MAPK4: variants seen among roughly 807,000 people sequenced by gnomAD.
MAPK4 encodes the protein mitogen-activated protein kinase 4.
A neutral mutation model predicts 47.7 loss-of-function variants in MAPK4; 22 were observed. That is an observed-to-expected ratio of 0.46 (90% CI 0.33 to 0.66). MAPK4 has a LOEUF of 0.66. Ranked by LOEUF, MAPK4 falls within the 30% of genes least tolerant of loss-of-function variation. The pLI, the probability that MAPK4 is intolerant of heterozygous loss-of-function variation, is 0.02. For synonymous variants in MAPK4, 390 were observed against 365.7 expected (o/e 1.07, Z -0.76); for missense variants, 736 against 831.7 (o/e 0.88, Z 1.42).
At position 50,664,386 on chromosome 18, in the gene MAPK4, C is replaced by A. The variant is rs1907479798; in HGVS notation, c.428C>A (p.Ala143Asp). The A allele has an allele frequency of 4.3e-6, 7 of 1,613,946 alleles. No homozygotes were observed. Among genetic ancestry groups the A allele is most frequent in the Non-Finnish European group, 5.9e-6 (7 of 1,180,036 alleles). Residue 143 changes from alanine to aspartate, a missense_variant, in exon 2 of 6, where the codon GCC becomes GAC. Physicochemically the swap from Ala to Asp is moderately radical, Grantham distance 126. Transcript: ENST00000400384. This position sits in a 1 kb window ranked among gnomAD's most constrained non-coding sequence, Gnocchi z 6.0. Reference sequence around the variant, plus strand: ...CGCGGGCTCAAGTACATCCACTCCGCCAACGTGCTGCACAGGGACCTGAAG... The same window carrying A: ...CGCGGGCTCAAGTACATCCACTCCGACAACGTGCTGCACAGGGACCTGAAG... The part of the protein sequence containing the change: ...LLRGLKYIHS[A>D]NVLHRDLKPA...
At chr18:50,651,554 C>A (rs1359310687) in intron 1 of MAPK4, among the ~76,000 whole-genome samples, 1 of 152,216 alleles carries the variant, frequency 6.6e-6, no homozygotes, top group African/African-American at 2.4e-5. Flanking sequence ...CACTCATGTC[C>A]CTACCATGTG....
Position 50,707,656 on chromosome 18 carries a change from C to T in MAPK4, c.547-7423C>T, listed in dbSNP as rs143657679. Among the ~76,000 whole-genome samples the T allele has an allele frequency of 3.2e-3, 478 of 151,636 alleles. 7 individuals are homozygous for T. Among genetic ancestry groups the T allele is most frequent in the East Asian group, 6.2e-3 (32 of 5,178 alleles). On this transcript the variant is annotated intron_variant, in intron 2 of 5. Transcript: ENST00000400384. ...GTGAATATACTTAATGCCACTGAAC[C>T]GTATGCTTAACAGTTAAAATGGTGA...
At chr18:50,715,037 C>A (rs569438399) in intron 2 of MAPK4, 42 bp from the exon 3 acceptor site, 27 of 1,602,462 alleles carry the variant, frequency 1.7e-5, no homozygotes, top group Middle Eastern at 1.7e-4. Flanking sequence ...GAAGGGTATC[C>A]AAAAATGACT....
At position 50,726,997 on chromosome 18, in the gene MAPK4, G is replaced by A. The variant is rs141060131; in HGVS notation, c.1067+822G>A. Among the ~76,000 whole-genome samples, 268 of 152,304 alleles carry A rather than the reference G, an allele frequency of 1.8e-3. 2 individuals carry two copies. The highest frequency in any genetic ancestry group is 6.2e-3 in the African/African-American group (256 of 41,554). On this transcript the variant is annotated intron_variant, in intron 5 of 5. Transcript: ENST00000400384. ...TCTGCAATCTGCATCCATGTCAGAC[G>A]CTGCTAAGCAATTATAGGACCATTT...
chr18:50,651,652 C>T (rs1006333374), intron 1 of MAPK4, among the ~76,000 whole-genome samples: 18 of 152,272 alleles, frequency 1.2e-4, no homozygotes, highest in Admixed American at 6.5e-4. Flanking sequence ...GGACACATGG[C>T]GGCAGTCAGG....
intron 1 of MAPK4, among the ~76,000 whole-genome samples, chr18:50,602,363 T>G (rs2042548236): frequency 2.0e-5 from 3 of 152,204 alleles, no homozygotes; most frequent in Admixed American, 2.0e-4. Flanking sequence ...CTGAACCCAT[T>G]TGGGCTTTGC....
chr18:50,591,599 G>A (rs1275856215), intron 1 of MAPK4, among the ~76,000 whole-genome samples: 2 of 150,922 alleles, frequency 1.3e-5, no homozygotes, highest in Non-Finnish European at 2.9e-5. Context: ...GTGCATTTAT[G>A]GTTTACAAAA....
intron 1 of MAPK4, among the ~76,000 whole-genome samples, chr18:50,639,984 G>T (rs952549128): frequency 6.6e-6 from 1 of 152,170 alleles, no homozygotes; most frequent in Non-Finnish European, 1.5e-5. Context: ...ACTTTCTTTT[G>T]TTCTCCTAAT....
chr18:50,682,411 AAAATT>A (rs1303101677), intron 2 of MAPK4, among the ~76,000 whole-genome samples: 1 of 152,176 alleles, frequency 6.6e-6, no homozygotes, highest in Non-Finnish European at 1.5e-5. Flanking sequence ...AACTCTCCCA[AAAATT>A]GAAGAGAATA....
intron 1 of MAPK4, among the ~76,000 whole-genome samples, chr18:50,618,617 A>G (rs997578718): frequency 6.6e-6 from 1 of 152,110 alleles, no homozygotes; most frequent in Non-Finnish European, 1.5e-5. Context: ...TCTTTACTAC[A>G]TTTCCCTTGG....
chr18:50,664,286 A>G lies in MAPK4; in HGVS notation c.328A>G (p.Thr110Ala). 1 of 1,613,376 alleles carries G rather than the reference A, an allele frequency of 6.2e-7. No homozygotes were observed. Among genetic ancestry groups the G allele is most frequent in the Non-Finnish European group, 8.5e-7 (1 of 1,179,650 alleles). ...VAYIVQEYME[T>A]DLARLLEQGT... ...GTACATCGTCCAGGAGTACATGGAG[A>G]CCGACCTGGCACGCCTGCTGGAGCA... Residue 110 changes from threonine (T) to alanine (A), a missense_variant, in exon 2 of 6, where the codon ACC becomes GCC. By Grantham distance (58) the Thr-to-Ala change is moderately conservative (BLOSUM62 0). Around this residue, in one of 3 missense-constraint regions of MAPK4, gnomAD observed 327 missense variants for 395.4 expected, o/e 0.83. Coordinates refer to ENST00000400384, the MANE Select transcript of MAPK4 (RefSeq NM_002747.4). This position sits in a 1 kb window ranked among gnomAD's most constrained non-coding sequence, Gnocchi z 6.0.
At position 50,664,338 on chromosome 18, in the gene MAPK4, A is replaced by C; in HGVS notation, c.380A>C (p.Lys127Thr). Residue 127 changes from lysine (K) to threonine (T), a missense_variant, in exon 2 of 6, where the codon AAG becomes ACG. Around this residue, in one of 3 missense-constraint regions of MAPK4, gnomAD observed 327 missense variants for 395.4 expected, o/e 0.83. Coordinates refer to ENST00000400384, the MANE Select transcript of MAPK4 (RefSeq NM_002747.4). This position sits in a 1 kb window ranked among gnomAD's most constrained non-coding sequence, Gnocchi z 6.0. Reference protein sequence around the residue: ...EQGTLAEEHAKLFMYQLLRGL... With the variant: ...EQGTLAEEHATLFMYQLLRGL... ...GGCACGCTGGCAGAAGAGCATGCCA[A>C]GCTGTTCATGTACCAGCTGCTCCGC... 1 of 1,613,904 alleles carries C rather than the reference A, an allele frequency of 6.2e-7. No homozygotes were observed. The highest frequency in any genetic ancestry group is 8.5e-7 in the Non-Finnish European group (1 of 1,180,010).
At chr18:50,614,797 A>G (rs1422693176) in intron 1 of MAPK4, among the ~76,000 whole-genome samples, 1 of 152,208 alleles carries the variant, frequency 6.6e-6, no homozygotes, top group East Asian at 1.9e-4. Flanking sequence ...CTTCAGTGGT[A>G]CTGGTAGAAT....
intron 2 of MAPK4, among the ~76,000 whole-genome samples, chr18:50,686,932 G>A (rs1423925047): frequency 1.3e-5 from 2 of 152,202 alleles, no homozygotes; most frequent in African/African-American, 4.8e-5. Context: ...AGCCCAGATG[G>A]AGACGGCCAA....
At chr18:50,581,190 G>A (rs188828374) in intron 1 of MAPK4, among the ~76,000 whole-genome samples, 7 of 152,292 alleles carry the variant, frequency 4.6e-5, no homozygotes, top group African/African-American at 1.7e-4. Flanking sequence ...AGCTTAAAAC[G>A]GCAAAGGTTT....
In MAPK4 at chr18:50,726,075, A is replaced by T; in HGVS notation, c.967A>T (p.Thr323Ser). 6.2e-7 allele frequency: 1 copy of T among 1,613,938 alleles called. No individual in the cohort carries two copies. Among genetic ancestry groups the T allele is most frequent in the Non-Finnish European group, 8.5e-7 (1 of 1,179,964 alleles). ...ATACTCGTGCCCTGAGGACGAGCCC[A>T]CCTCACAACACCCCTTCCGCATTGA... ...SPYSCPEDEP[T>S]SQHPFRIEDE... is the part of the protein sequence containing the mutation. The change falls in exon 5 of 6, where the codon ACC becomes TCC. Residue 323 changes from threonine (T) to serine (S), a missense_variant. Coordinates refer to ENST00000400384, the MANE Select transcript of MAPK4 (RefSeq NM_002747.4).
intron 4 of MAPK4, among the ~76,000 whole-genome samples, chr18:50,725,078 C>G (rs538373210): frequency 6.6e-6 from 1 of 152,330 alleles, no homozygotes; most frequent in Non-Finnish European, 1.5e-5. Flanking sequence ...GGCATACATT[C>G]ATGCTGGTTA....
intron 2 of MAPK4, among the ~76,000 whole-genome samples, chr18:50,708,731 A>G (rs1363000893): frequency 1.3e-5 from 2 of 152,128 alleles, no homozygotes; most frequent in Non-Finnish European, 2.9e-5. Context: ...AGTCTCTCTT[A>G]TGTGCGAGGC....
chr18:50,647,615 C>G (rs2043002164), intron 1 of MAPK4, among the ~76,000 whole-genome samples: 1 of 152,176 alleles, frequency 6.6e-6, no homozygotes, highest in African/African-American at 2.4e-5. Context: ...AATCCCTTCT[C>G]CACTCCCAGC....
Sources: gnomAD v4.1 joint callset for allele counts (sites outside exome capture counted in the v4.1 genomes callset) on GRCh38, gnomAD v4.1.1 for gene constraint, gnomAD v4.1.1 regional missense constraint, Gnocchi (gnomAD v3.1) non-coding constraint, MANE v1.5 for transcripts, NCBI Gene and HGNC (gene_info 2026-07-23, HGNC 2026-07-21) for gene names.